Variants in NBAS observed in about 807,000 individuals in gnomAD.
NBAS encodes the protein NBAS subunit of NRZ tethering complex.
NBAS carries 219 observed loss-of-function variants against 302.5 expected under a neutral mutation model. The ratio of observed to expected loss-of-function variants is 0.72; its 90% CI spans 0.65 to 0.81. NBAS has a LOEUF of 0.81. NBAS is among the 30% of genes least tolerant of loss of function. The probability of loss-of-function intolerance (pLI) is 0.00; values close to 1 mark genes in which losing one functional copy is unlikely to be tolerated. For missense variants in NBAS, 2,932 were observed against 2,841.6 expected (o/e 1.03, Z -0.72); for synonymous variants, 1,118 against 1,021.6 (o/e 1.09, Z -1.80).
At chr2:15,397,354 T>A (rs1675914984) in intron 26 of NBAS, 1 of 243,892 alleles carries the variant, frequency 4.1e-6, no homozygotes, top group African/African-American at 2.3e-5. Context: ...TTTATTTATT[T>A]TTTATTTTTT....
chr2:15,310,790 C>A (rs940432713), intron 38 of NBAS, among the ~76,000 whole-genome samples: 7 of 152,238 alleles, frequency 4.6e-5, no homozygotes, highest in African/African-American at 1.7e-4. Context: ...CTGGGTGTGT[C>A]CTGCCTTCCA....
chr2:15,357,415 C>G (rs1377845895), intron 32 of NBAS, among the ~76,000 whole-genome samples: 2 of 152,150 alleles, frequency 1.3e-5, no homozygotes, highest in Non-Finnish European at 2.9e-5. Context: ...AAAATAAACC[C>G]TTAAAATTTT....
chr2:14,831,832 T>C, the NBAS span, among the ~76,000 whole-genome samples: 1 of 152,176 alleles, frequency 6.6e-6, no homozygotes, highest in Non-Finnish European at 1.5e-5. Flanking sequence ...GTAAGTGAAA[T>C]AATAATTCAT....
rs113894176 is a variant in NBAS at position 15,394,831 on chromosome 2, G to A, written c.3135-482C>T. Among the ~76,000 whole-genome samples the A allele has an allele frequency of 6.7e-3, 1,024 of 152,142 alleles. 11 individuals carry two copies. Among genetic ancestry groups the A allele is most frequent in the African/African-American group, 0.022 (924 of 41,540 alleles). ...TCCATTTTATAAATATACAAGATAT[G>A]TCAAAAATTCTCTCTGTCTCATAAG... On this transcript the variant is annotated intron_variant, in intron 27 of 51. Coordinates refer to ENST00000281513, the MANE Select transcript of NBAS (RefSeq NM_015909.4).
the NBAS span, among the ~76,000 whole-genome samples, chr2:14,948,883 G>A: frequency 6.6e-6 from 1 of 151,974 alleles, no homozygotes; most frequent in Non-Finnish European, 1.5e-5. Context: ...CCATAGCACT[G>A]GCATAAAAAC....
At chr2:15,158,526 T>C in the NBAS span, among the ~76,000 whole-genome samples, 3 of 152,244 alleles carry the variant, frequency 2.0e-5, no homozygotes, top group African/African-American at 7.2e-5. Context: ...ATTCCTCCTT[T>C]GCTGGGTTTC....
chr2:15,196,312 A>G (rs937552510), intron 48 of NBAS, among the ~76,000 whole-genome samples: 1 of 152,176 alleles, frequency 6.6e-6, no homozygotes, highest in African/African-American at 2.4e-5. Flanking sequence ...AGACACACAA[A>G]TGAGTACAAG....
intron 13 of NBAS, among the ~76,000 whole-genome samples, chr2:15,477,758 T>C (rs1213290336): frequency 6.6e-6 from 1 of 152,184 alleles, no homozygotes; most frequent in African/African-American, 2.4e-5. Context: ...CAAATGACAA[T>C]TATTACTTTT....
chr2:15,395,555 A>G, intron 27 of NBAS, among the ~76,000 whole-genome samples: 1 of 152,228 alleles, frequency 6.6e-6, no homozygotes. Context: ...TCTCTATTAA[A>G]CTCACATATT....
At chr2:15,559,086 A>AAAAAAAAAT (rs1558438863) in intron 1 of NBAS, among the ~76,000 whole-genome samples, 1 of 150,544 alleles carries the variant, frequency 6.6e-6, no homozygotes, top group Non-Finnish European at 1.5e-5. Context: ...AAAAAAAAAA[A>AAAAAAAAAT]AGTAGACACA....
the NBAS span, among the ~76,000 whole-genome samples, chr2:15,109,833 G>A: frequency 6.6e-6 from 1 of 152,066 alleles, no homozygotes; most frequent in Non-Finnish European, 1.5e-5. Flanking sequence ...TATGAATTGT[G>A]GATGGGGACA....
At chr2:15,008,506 A>G in the NBAS span, among the ~76,000 whole-genome samples, 1 of 152,216 alleles carries the variant, frequency 6.6e-6, no homozygotes, top group Non-Finnish European at 1.5e-5. Context: ...ACCAGAACCT[A>G]CAGTTTCCTT....
chr2:15,007,240 C>T, the NBAS span, among the ~76,000 whole-genome samples: 11 of 152,304 alleles, frequency 7.2e-5, no homozygotes, highest in Admixed American at 3.9e-4. Flanking sequence ...AGCCACTGAG[C>T]GCCACCATGG....
chr2:15,442,906 A>C (rs1678508904), intron 21 of NBAS, among the ~76,000 whole-genome samples: 1 of 152,194 alleles, frequency 6.6e-6, no homozygotes, highest in African/African-American at 2.4e-5. Context: ...AATCTAGAAG[A>C]AATGGATAAA....
intron 45 of NBAS, among the ~76,000 whole-genome samples, chr2:15,237,307 G>A (rs1006688252): frequency 3.3e-5 from 5 of 151,864 alleles, no homozygotes; most frequent in Non-Finnish European, 5.9e-5. Context: ...TAACACCTGC[G>A]TTTTCAAACC....
intron 28 of NBAS, among the ~76,000 whole-genome samples, chr2:15,384,886 C>A (rs1045853886): frequency 6.6e-6 from 1 of 152,110 alleles, no homozygotes; most frequent in Non-Finnish European, 1.5e-5. Context: ...TAAAAATCAT[C>A]ACTATTTCCA....
chr2:15,014,370 C>T, the NBAS span, among the ~76,000 whole-genome samples: 36 of 152,068 alleles, frequency 2.4e-4, no homozygotes, highest in African/African-American at 8.2e-4. Flanking sequence ...CAGAATGAAA[C>T]ATATTTTAGG....
At chr2:14,844,204 C>A in the NBAS span, among the ~76,000 whole-genome samples, 1 of 152,160 alleles carries the variant, frequency 6.6e-6, no homozygotes, top group Non-Finnish European at 1.5e-5. Context: ...ATCTTGGAAA[C>A]CAGCTCAGCC....
Position 15,539,356 on chromosome 2 carries a change from A to G in NBAS, c.380T>C (p.Val127Ala). The part of the protein sequence containing the change: ...DFTSIIGKCQ[V>A]PKDPKPQWRR... ...CCACTGGGGTTTCGGGTCTTTCGGA[A>G]CTAGAACAAAAGAAAACAAGAGGTG... is the stretch of plus-strand genomic sequence containing the variant. The change falls in exon 7 of 52, where the codon GTT becomes GCT. Residue 127 changes from valine (V) to alanine (A), a missense_variant and splice_region_variant. Transcript: ENST00000281513. The G allele has an allele frequency of 6.2e-7, 1 of 1,614,206 alleles. No homozygotes were observed. The highest frequency in any genetic ancestry group is 8.5e-7 in the Non-Finnish European group (1 of 1,180,026).
Sources: gnomAD v4.1 joint callset for allele counts (sites outside exome capture counted in the v4.1 genomes callset) on GRCh38, gnomAD v4.1.1 for gene constraint, MANE v1.5 for transcripts, NCBI Gene and HGNC (gene_info 2026-07-23, HGNC 2026-07-21) for gene names.